Variants in GLYATL3 observed in about 807,000 individuals in gnomAD.
The protein encoded by GLYATL3 is glycine N-acyltransferase-like protein 3.
A neutral mutation model predicts 28.5 loss-of-function variants in GLYATL3; 31 were observed. The observed-to-expected ratio is 1.09, with a 90% CI of 0.82 to 1.47. The LOEUF (loss-of-function observed/expected upper bound fraction) is 1.47, where lower values mean the gene tolerates loss of function less well. Among genes scored for constraint, GLYATL3 ranks in the 40% most tolerant of loss-of-function variants. The pLI, the probability that GLYATL3 is intolerant of heterozygous loss-of-function variation, is 0.00. For synonymous variants in GLYATL3, 141 were observed against 140.2 expected, an observed-to-expected ratio of 1.01 and a Z score of -0.04; for missense variants, 369 against 351.5, an observed-to-expected ratio of 1.05 and a Z score of -0.40.
Position 49,517,458 on chromosome 6 carries a change from C to T in GLYATL3, c.215C>T (p.Thr72Ile). 8 of 1,546,256 alleles carry T rather than the reference C, an allele frequency of 5.2e-6. 1 individual carries two copies. The Middle Eastern group carries it at 1.3e-3, about 259-fold the overall frequency. Residue 72 changes from threonine to isoleucine, a missense_variant, in exon 4 of 6, where the codon ACT becomes ATT. Thr to Ile is a moderately conservative substitution (Grantham distance 89). Coordinates refer to ENST00000371197, the MANE Select transcript of GLYATL3 (RefSeq NM_001010904.2). Reference sequence around the variant, plus strand: ...GAGACAGATAACCTTGATCATTATACTAATGCCTATGCTGTGTTCTACAAG... The same window carrying T: ...GAGACAGATAACCTTGATCATTATATTAATGCCTATGCTGTGTTCTACAAG... ...EAETDNLDHYTNAYAVFYKDV... is the reference protein window; with the variant it reads ...EAETDNLDHYINAYAVFYKDV...
Position 49,526,929 on chromosome 6 carries a change from G to A in GLYATL3, c.*15G>A. The A allele has an allele frequency of 2.0e-6, 3 of 1,477,092 alleles. No individual in the cohort carries two copies. The highest frequency in any genetic ancestry group is 2.7e-6 in the Non-Finnish European group (3 of 1,110,936). 91.5% of individuals were successfully genotyped at this position (1,477,092 alleles called of 1,614,324 possible). ...CTCACCTCTAGCCCAGTAAAAAACT[G>A]CAGTGGTTTTATTACTTTCCCTGAG... On this transcript the variant is annotated 3_prime_UTR_variant, in exon 6 of 6. Transcript: ENST00000371197.
At chr6:49,509,005 A>T (rs1561976557) in intron 1 of GLYATL3, among the ~76,000 whole-genome samples, 3 of 103,580 alleles carry the variant, frequency 2.9e-5, no homozygotes, top group Non-Finnish European at 7.7e-5. Context: ...ATTAATAATA[A>T]ATAAAAATAA....
intron 5 of GLYATL3, among the ~76,000 whole-genome samples, chr6:49,522,580 C>T (rs943260336): frequency 2.0e-5 from 3 of 152,068 alleles, no homozygotes; most frequent in Admixed American, 2.0e-4. Flanking sequence ...ATGATTAAAC[C>T]AAGCCAGTTA....
intron 4 of GLYATL3, 109 bp from the exon 5 acceptor site, chr6:49,521,536 G>T: frequency 1.2e-6 from 1 of 851,158 alleles, no homozygotes; most frequent in Non-Finnish European, 1.8e-6. Context: ...ATACAAGGTG[G>T]CAAACTGCTA....
Position 49,521,773 on chromosome 6 carries a change from T to A in GLYATL3, c.440+2T>A. ...ATCTCTGCCAGATACCAGTTTCCTG[T>A]ATGTAAACCAAGTTTTTGCATTTGG... On this transcript the variant is annotated splice_donor_variant, in intron 5 of 5. Coordinates refer to ENST00000371197, the MANE Select transcript of GLYATL3 (RefSeq NM_001010904.2). LOFTEE classifies it high-confidence loss of function. The A allele has an allele frequency of 6.4e-7, 1 of 1,550,788 alleles. No homozygotes were observed. The highest frequency in any genetic ancestry group is 8.7e-7 in the Non-Finnish European group (1 of 1,146,610).
chr6:49,509,954 CTTTCTTTCTT>C (rs1769085562), intron 1 of GLYATL3, among the ~76,000 whole-genome samples: 2 of 58,220 alleles, frequency 3.4e-5, no homozygotes, highest in Non-Finnish European at 1.0e-4. Context: ...CTTTCTCTTT[CTTTCTTTCTT>C]TCTTTCTTTC....
chr6:49,526,430 G>C lies in GLYATL3; in HGVS notation c.441-58G>C, dbSNP rs547144359. On this transcript the variant is annotated intron_variant, in intron 5 of 5. Coordinates refer to ENST00000371197, the MANE Select transcript of GLYATL3 (RefSeq NM_001010904.2). ...TGTGTCTCGAAAAAAAAAATGTGTA[G>C]TTATGTATAACCACATGAGTCTGAG... 3.5e-4 allele frequency: 504 copies of C among 1,419,798 alleles called. 2 individuals are homozygous for C. The African/African-American group carries it at 6.1e-3, about 17-fold the overall frequency. The allele number at this position is 1,419,798 out of a possible 1,614,324, so 88.0% of individuals were successfully genotyped here.
Position 49,521,725 on chromosome 6 carries a change from G to A in GLYATL3, c.394G>A (p.Ala132Thr). Reference protein sequence around the residue: ...QLNIKLTSFKAVHFSPVSSLP... With the variant: ...QLNIKLTSFKTVHFSPVSSLP... ...GAATATAAAGCTAACTTCCTTCAAGGCTGTTCATTTTTCTCCTGTTTCATC... is the reference window on the plus strand; with the variant it reads ...GAATATAAAGCTAACTTCCTTCAAGACTGTTCATTTTTCTCCTGTTTCATC... Residue 132 changes from alanine (A) to threonine (T), a missense_variant, in exon 5 of 6, where the codon GCT becomes ACT. Physicochemically the swap from Ala to Thr is moderately conservative, Grantham distance 58. Coordinates refer to ENST00000371197, the MANE Select transcript of GLYATL3 (RefSeq NM_001010904.2). The A allele has an allele frequency of 1.3e-6, 2 of 1,551,346 alleles. No individual in the cohort carries two copies.
chr6:49,522,154 T>C (rs990413562), intron 5 of GLYATL3, among the ~76,000 whole-genome samples: 3 of 152,184 alleles, frequency 2.0e-5, no homozygotes, highest in Admixed American at 1.3e-4. Context: ...TGGGGGTATA[T>C]AGCTGACTTA....
In GLYATL3 at chr6:49,527,727, C is replaced by T. The variant is rs1769448863; in HGVS notation, c.*813C>T. Among the ~76,000 whole-genome samples the T allele has an allele frequency of 6.6e-6, 1 of 152,132 alleles. No individual in the cohort carries two copies. The highest frequency in any genetic ancestry group is 2.4e-5 in the African/African-American group (1 of 41,416). On this transcript the variant is annotated 3_prime_UTR_variant, in exon 6 of 6. Transcript: ENST00000371197. ...TTTCAGCCCCCTTATTTATAGTCTA[C>T]TTTCCCATATAAAACTAAGATTTAT...
At chr6:49,501,284 G>A (rs1159308684) in intron 1 of GLYATL3, among the ~76,000 whole-genome samples, 3 of 152,066 alleles carry the variant, frequency 2.0e-5, no homozygotes, top group East Asian at 3.9e-4. Context: ...TGTGTATCGC[G>A]GGAGCTGGCC....
chr6:49,527,071 T>A lies in GLYATL3; in HGVS notation c.*157T>A. 1 of 591,022 alleles carries A rather than the reference T, an allele frequency of 1.7e-6. No individual in the cohort carries two copies. The highest frequency in any genetic ancestry group is 2.9e-6 in the Non-Finnish European group (1 of 344,942). 36.6% of individuals were successfully genotyped at this position (591,022 alleles called of 1,614,324 possible). A position where few individuals can be genotyped will look rare whatever the true frequency, so the allele number is the denominator to read the frequency against. ...CAGGATCCACTTGAGAAGCCTTAAT[T>A]TTTCGTATCTCAGGTTTCTCCAGTA... On this transcript the variant is annotated 3_prime_UTR_variant, in exon 6 of 6. Transcript: ENST00000371197.
rs985800856 is a variant in GLYATL3, at chr6:49,509,168, A to C, written c.-28-2795A>C. 3.9e-5 allele frequency among the ~76,000 whole-genome samples: 6 copies of C among 151,900 alleles called. No individual in the cohort carries two copies. The South Asian group carries it at 6.2e-4, about 16-fold the overall frequency. ...TTAGAAAGTTTAGTGTCAAAAGTGG[A>C]CTCTCACCTGCTGCAAGTACAATTG... On this transcript the variant is annotated intron_variant, in intron 1 of 5. Transcript: ENST00000371197.
Position 49,521,660 on chromosome 6 carries a change from T to G in GLYATL3, c.329T>G (p.Leu110Ter). The change falls in exon 5 of 6, where the codon TTA becomes TGA. Residue 110 changes from leucine (L) to a stop codon, truncating the protein, a stop_gained. Coordinates refer to ENST00000371197, the MANE Select transcript of GLYATL3 (RefSeq NM_001010904.2). LOFTEE classifies it high-confidence loss of function. ...CTATACACAGGGCTGCAGAGTGAGT[T>G]ATATGATGTTTCCAAAGCGGTTGCC... ...VFQIQGLQSE[L>*]YDVSKAVANS... 6.4e-7 allele frequency: 1 copy of G among 1,551,018 alleles called. No homozygotes were observed. The highest frequency in any genetic ancestry group is 8.7e-7 in the Non-Finnish European group (1 of 1,146,412).
intron 5 of GLYATL3, among the ~76,000 whole-genome samples, chr6:49,524,821 A>C (rs894152112): frequency 6.6e-6 from 1 of 152,046 alleles, no homozygotes; most frequent in Admixed American, 6.6e-5. Context: ...ATCTACTGAA[A>C]ATAAAAAAAT....
chr6:49,510,361 C>T (rs905777046), intron 1 of GLYATL3, among the ~76,000 whole-genome samples: 4 of 152,142 alleles, frequency 2.6e-5, no homozygotes, highest in Non-Finnish European at 5.9e-5. Flanking sequence ...TCATAAATGG[C>T]TTTAGATCCT....
chr6:49,503,657 C>T (rs2127430726), intron 1 of GLYATL3, among the ~76,000 whole-genome samples: 1 of 152,284 alleles, frequency 6.6e-6, no homozygotes, highest in African/African-American at 2.4e-5. Context: ...ACAATCCTTC[C>T]ACATTAATTT....
At chr6:49,517,607 G>A in intron 4 of GLYATL3, 51 bp downstream of exon 4, 2 of 1,371,420 alleles carry the variant, frequency 1.5e-6, no homozygotes, top group Non-Finnish European at 2.0e-6. Context: ...TTCCTCCTTA[G>A]CATATATCCA....
chr6:49,518,288 G>A (rs1321806296), intron 4 of GLYATL3, among the ~76,000 whole-genome samples: 4 of 152,122 alleles, frequency 2.6e-5, no homozygotes, highest in South Asian at 2.1e-4. Context: ...AGGAGATAAC[G>A]GCATGGCCAT....
Sources: gnomAD v4.1 joint callset for allele counts (sites outside exome capture counted in the v4.1 genomes callset) on GRCh38, gnomAD v4.1.1 for gene constraint, MANE v1.5 for transcripts, NCBI Gene and HGNC (gene_info 2026-07-23, HGNC 2026-07-21) for gene names.